PDE4D: variants seen among roughly 807,000 people sequenced by gnomAD.
The protein encoded by PDE4D is phosphodiesterase 4D.
A neutral mutation model predicts 87.4 loss-of-function variants in PDE4D; 24 were observed. The observed-to-expected ratio is 0.27, with a 90% CI of 0.20 to 0.39. The LOEUF (loss-of-function observed/expected upper bound fraction) is 0.39, where lower values mean the gene tolerates loss of function less well. Among genes scored for constraint, PDE4D ranks in the 10% least tolerant of loss-of-function variants. PDE4D has a pLI of 1.00. For synonymous variants in PDE4D, 384 were observed against 383.2 expected (o/e 1.00, Z -0.02); for missense variants, 714 against 1,041.0 (o/e 0.69, Z 4.32).
At position 59,070,780 on chromosome 5, in the gene PDE4D, C is replaced by T. The variant is rs1013258148; in HGVS notation, c.809-31809G>A. Among the ~76,000 whole-genome samples, 9 of 152,150 alleles carry T rather than the reference C, an allele frequency of 5.9e-5. No homozygotes were observed. In the East Asian group the frequency reaches 1.7e-3, roughly 29 times the overall value. ...TCAATCCCAAACTTTTCCCATATTA[C>T]AAAAATCTAAGTATGGCTCAAACAC... On this transcript the variant is annotated intron_variant, in intron 5 of 14. Coordinates refer to ENST00000340635, the MANE Select transcript of PDE4D (RefSeq NM_001104631.2).
At chr5:60,356,406 C>G (rs1309116116) in intron 1 of PDE4D, among the ~76,000 whole-genome samples, 1 of 152,190 alleles carries the variant, frequency 6.6e-6, no homozygotes, top group African/African-American at 2.4e-5. Flanking sequence ...TTTAAATAGA[C>G]TGCCTTGGGC....
exon 2 of PDE4D, chr5:60,185,640 G>A: frequency 7.6e-7 from 1 of 1,316,466 alleles, no homozygotes; most frequent in South Asian, 1.3e-5. Context: ...AGTGTTTCCA[G>A]TGTCAATGAT....
intron 1 of PDE4D, among the ~76,000 whole-genome samples, chr5:59,595,826 C>T (rs1006847203): frequency 1.3e-5 from 2 of 151,862 alleles, no homozygotes; most frequent in African/African-American, 2.4e-5. Flanking sequence ...AGTAGTATAT[C>T]GCTGCATATA....
chr5:60,314,936 T>G (rs563647732), intron 1 of PDE4D, among the ~76,000 whole-genome samples: 4 of 152,226 alleles, frequency 2.6e-5, no homozygotes, highest in East Asian at 1.9e-4. Flanking sequence ...GAATAGTGCC[T>G]CAATAAACAT....
At chr5:59,319,380 G>T (rs1774320436) in intron 1 of PDE4D, among the ~76,000 whole-genome samples, 1 of 152,062 alleles carries the variant, frequency 6.6e-6, no homozygotes. Flanking sequence ...AATCCATCAT[G>T]CATGAAAAAC....
rs1452533748 is a variant in PDE4D, at chr5:59,574,032, ATATATATTT to A, written c.455+319127_455+319135del. ...TATATATATATATATATATATAAAA[ATATATATTT>A]ATATATATTTATATATAAAAATATA... On this transcript the variant is annotated intron_variant, in intron 1 of 14. Coordinates refer to ENST00000340635, the MANE Select transcript of PDE4D (RefSeq NM_001104631.2). Among the ~76,000 whole-genome samples the A allele has an allele frequency of 1.0e-3, 112 of 107,212 alleles. 4 individuals are homozygous for A. Among genetic ancestry groups the A allele is most frequent in the African/African-American group, 4.2e-3 (104 of 24,932 alleles). The allele number at this position is 107,212 out of a possible 152,430, so 70.3% of individuals were successfully genotyped here.
chr5:60,033,418 G>GT (rs1767457212), intron 2 of PDE4D, among the ~76,000 whole-genome samples: 1 of 152,096 alleles, frequency 6.6e-6, no homozygotes, highest in African/African-American at 2.4e-5. Flanking sequence ...GAAAGAGGAT[G>GT]TTTTGGTTAT....
intron 3 of PDE4D, among the ~76,000 whole-genome samples, chr5:59,902,078 C>G (rs1752332983): frequency 6.6e-6 from 1 of 151,924 alleles, no homozygotes; most frequent in South Asian, 2.1e-4. Context: ...ACAAATGTTA[C>G]ATCAGGAAGC....
intron 5 of PDE4D, among the ~76,000 whole-genome samples, chr5:59,101,503 A>G (rs1770732068): frequency 6.6e-6 from 1 of 152,204 alleles, no homozygotes. Context: ...TAATAAATAC[A>G]AAAACCCCTA....
chr5:59,026,817 G>A (rs1464022556), intron 6 of PDE4D, among the ~76,000 whole-genome samples: 1 of 152,114 alleles, frequency 6.6e-6, no homozygotes, highest in African/African-American at 2.4e-5. Flanking sequence ...TTTTAGAACA[G>A]ATCTAGATTT....
At chr5:60,116,331 A>G (rs936295231) in intron 2 of PDE4D, among the ~76,000 whole-genome samples, 10 of 152,128 alleles carry the variant, frequency 6.6e-5, no homozygotes, top group African/African-American at 2.2e-4. Flanking sequence ...GAGGAGCAAT[A>G]GCATATAAAA....
intron 1 of PDE4D, among the ~76,000 whole-genome samples, chr5:60,222,173 C>T (rs1204225597): frequency 6.6e-6 from 1 of 152,112 alleles, no homozygotes; most frequent in Non-Finnish European, 1.5e-5. Flanking sequence ...GAATCATTCA[C>T]TCCAGGGCAC....
intron 6 of PDE4D, among the ~76,000 whole-genome samples, chr5:59,035,260 G>GTACT: frequency 6.6e-6 from 1 of 152,286 alleles, no homozygotes. Context: ...AACAGGAAAA[G>GTACT]TACTTAGTTA....
intron 1 of PDE4D, among the ~76,000 whole-genome samples, chr5:60,431,606 G>A (rs1176818843): frequency 6.6e-6 from 1 of 151,826 alleles, no homozygotes; most frequent in Admixed American, 6.6e-5. Flanking sequence ...GCCAGGCAGA[G>A]GGGCTCCTCA....
chr5:59,388,626 TACAC>T (rs71604788), intron 1 of PDE4D, among the ~76,000 whole-genome samples: 3 of 148,306 alleles, frequency 2.0e-5, no homozygotes, highest in South Asian at 2.1e-4. Flanking sequence ...GAAAATGTGG[TACAC>T]ACACACACAC....
At chr5:60,080,349 C>T (rs560642511) in intron 2 of PDE4D, among the ~76,000 whole-genome samples, 3 of 152,280 alleles carry the variant, frequency 2.0e-5, no homozygotes, top group East Asian at 3.9e-4. Flanking sequence ...GACTTTCTCT[C>T]TTCCTATTTG....
At chr5:60,213,767 C>T (rs1743526984) in intron 1 of PDE4D, among the ~76,000 whole-genome samples, 1 of 152,170 alleles carries the variant, frequency 6.6e-6, no homozygotes, top group Non-Finnish European at 1.5e-5. Context: ...GTCATTGGCA[C>T]CTGTCCTCCA....
In PDE4D at chr5:59,490,587, G is replaced by C. The variant is rs75198480; in HGVS notation, c.456-274619C>G. 6.0e-4 allele frequency among the ~76,000 whole-genome samples: 92 copies of C among 152,296 alleles called. 1 individual carries two copies. In the East Asian group the frequency reaches 0.014, roughly 23 times the overall value. On this transcript the variant is annotated intron_variant, in intron 1 of 14. Transcript: ENST00000340635. Reference sequence around the variant, plus strand: ...TCATACACATAATGTAAACCACTTAGAAATGTAGTATTTCTTTATATGTTA... The same window carrying C: ...TCATACACATAATGTAAACCACTTACAAATGTAGTATTTCTTTATATGTTA...
At chr5:59,204,509 C>T (rs944097347) in intron 2 of PDE4D, among the ~76,000 whole-genome samples, 9 of 152,188 alleles carry the variant, frequency 5.9e-5, no homozygotes, top group Admixed American at 5.9e-4. Context: ...ATGTTTAGCA[C>T]ATGTGTGTAG....
Sources: gnomAD v4.1 joint callset for allele counts (sites outside exome capture counted in the v4.1 genomes callset) on GRCh38, gnomAD v4.1.1 for gene constraint, MANE v1.5 for transcripts, NCBI Gene and HGNC (gene_info 2026-07-23, HGNC 2026-07-21) for gene names.